MPPED1: variants seen among roughly 807,000 people sequenced by gnomAD.
MPPED1 encodes the protein metallophosphoesterase domain containing 1, also known as metallophosphoesterase domain-containing protein 1.
MPPED1 carries 16 observed loss-of-function variants against 36.2 expected under a neutral mutation model. The ratio of observed to expected loss-of-function variants is 0.44; its 90% CI spans 0.30 to 0.67. The LOEUF is 0.67. Ranked by LOEUF, MPPED1 falls within the 30% of genes least tolerant of loss-of-function variation. The probability of loss-of-function intolerance (pLI) is 0.10; values close to 1 mark genes in which losing one functional copy is unlikely to be tolerated. For missense variants in MPPED1, 307 were observed against 453.4 expected (o/e 0.68, Z 2.93); for synonymous variants, 199 against 191.3 (o/e 1.04, Z -0.33).
At chr22:43,450,829 C>T (rs182373135) in intron 3 of MPPED1, among the ~76,000 whole-genome samples, 33 of 152,164 alleles carry the variant, frequency 2.2e-4, no homozygotes, top group East Asian at 2.1e-3. Context: ...CGGGTTCAGA[C>T]GATTCTCCTG....
chr22:43,412,218 G>C (rs1928926391), intron 1 of MPPED1, 60 bp downstream of exon 1: 1 of 915,560 alleles, frequency 1.1e-6, no homozygotes, highest in Non-Finnish European at 1.3e-6. Context: ...CGCGGGGCGC[G>C]GCCGGGACCC....
intron 4 of MPPED1, among the ~76,000 whole-genome samples, chr22:43,494,585 C>T (rs1158964760): frequency 6.6e-6 from 1 of 151,934 alleles, no homozygotes; most frequent in Non-Finnish European, 1.5e-5. Context: ...CCAGTATGAC[C>T]CCATCTTAGC....
intron 4 of MPPED1, among the ~76,000 whole-genome samples, chr22:43,492,059 G>T (rs926679632): frequency 6.6e-6 from 1 of 151,976 alleles, no homozygotes; most frequent in African/African-American, 2.4e-5. Flanking sequence ...TGGAGGTGGT[G>T]CTGGGGGTGA....
intron 3 of MPPED1, among the ~76,000 whole-genome samples, chr22:43,465,316 C>G (rs1320714853): frequency 1.3e-5 from 2 of 152,212 alleles, no homozygotes; most frequent in Non-Finnish European, 2.9e-5. Flanking sequence ...CTCATCTCAT[C>G]CTAACAGTGT....
At position 43,497,587 on chromosome 22, in the gene MPPED1, G is replaced by A. The variant is rs143595585; in HGVS notation, c.633-648G>A. 4.3e-3 allele frequency among the ~76,000 whole-genome samples: 647 copies of A among 152,128 alleles called. 12 individuals are homozygous for A. The East Asian group carries it at 0.052, about 12-fold the overall frequency. On this transcript the variant is annotated intron_variant, in intron 4 of 6. Transcript: ENST00000443721. The stretch of plus-strand genomic sequence containing the variant: ...CTGAACTGACTAGGGGGAATATCTG[G>A]CATTGATGGGTCCAGGTCTTGGCTG...
At chr22:43,412,220 C>T (rs1331742530) in intron 1 of MPPED1, 62 bp downstream of exon 1, 39 of 901,904 alleles carry the variant, frequency 4.3e-5, no homozygotes, top group Non-Finnish European at 5.2e-5. Context: ...CGGGGCGCGG[C>T]CGGGACCCTC....
chr22:43,417,951 G>GGCT (rs1929133059), intron 1 of MPPED1: 1 of 433,214 alleles, frequency 2.3e-6, no homozygotes, highest in Non-Finnish European at 4.7e-6. Flanking sequence ...CAGCGGGGAT[G>GGCT]GCTGTTGGGG....
intron 4 of MPPED1, among the ~76,000 whole-genome samples, chr22:43,483,835 C>A (rs528738040): frequency 6.6e-6 from 1 of 152,212 alleles, no homozygotes; most frequent in Non-Finnish European, 1.5e-5. Flanking sequence ...GGCCACTTTA[C>A]GTGAGTTTCT....
At chr22:43,475,628 G>C (rs1022356403) in intron 4 of MPPED1, among the ~76,000 whole-genome samples, 2 of 111,386 alleles carry the variant, frequency 1.8e-5, no homozygotes, top group African/African-American at 7.6e-5. Flanking sequence ...GGTGATGATG[G>C]TGGTGATGAT....
At chr22:43,488,753 A>C (rs1213766622) in intron 4 of MPPED1, among the ~76,000 whole-genome samples, 1 of 152,260 alleles carries the variant, frequency 6.6e-6, no homozygotes, top group African/African-American at 2.4e-5. Context: ...AAATTATTCC[A>C]ATGGTTACTT....
chr22:43,439,218 G>T (rs1463705732), intron 3 of MPPED1, among the ~76,000 whole-genome samples: 10 of 152,206 alleles, frequency 6.6e-5, no homozygotes, highest in Non-Finnish European at 1.5e-5. Flanking sequence ...TCATGGGAGG[G>T]GGACGGGTTG....
chr22:43,442,247 G>A lies in MPPED1; in HGVS notation c.406+7032G>A, dbSNP rs183700977. ...CATGGCTGTCTGTCCCCTGCAGCTT[G>A]TGCAAGTCCCTGCTTTTGTTTCTTT... On this transcript the variant is annotated intron_variant, in intron 3 of 6. Coordinates refer to ENST00000443721, the MANE Select transcript of MPPED1 (RefSeq NM_001044370.2). Among the ~76,000 whole-genome samples the A allele has an allele frequency of 3.1e-3, 466 of 152,134 alleles. 6 individuals carry two copies. Among genetic ancestry groups the A allele is most frequent in the Admixed American group, 0.027 (418 of 15,280 alleles).
Position 43,502,792 on chromosome 22 carries a change from T to C in MPPED1, c.862+35T>C, listed in dbSNP as rs1569093151. ...TAGCGGAGACAGGCACCTCACGGGC[T>C]AGGGGCTCCTAATGGACCCTCCAGC... is the stretch of plus-strand genomic sequence containing the variant. On this transcript the variant is annotated intron_variant, in intron 6 of 6. Coordinates refer to ENST00000443721, the MANE Select transcript of MPPED1 (RefSeq NM_001044370.2). This position sits in a 1 kb window ranked among gnomAD's most constrained non-coding sequence, Gnocchi z 5.5. 1 of 1,575,094 alleles carries C rather than the reference T, an allele frequency of 6.3e-7. No homozygotes were observed.
intron 2 of MPPED1, among the ~76,000 whole-genome samples, chr22:43,427,741 C>T (rs890125019): frequency 2.0e-5 from 3 of 152,072 alleles, no homozygotes; most frequent in African/African-American, 7.2e-5. Context: ...GCCTCAGTTT[C>T]GCCAACCTGG....
chr22:43,435,073 C>T lies in MPPED1; in HGVS notation c.264C>T (p.Gly88=). ...CTCACGATGCCCCCAAACCTCCAGGCTACACCCGCTTCGTCTGCGTCTCTG... is the reference window on the plus strand; with the variant it reads ...CTCACGATGCCCCCAAACCTCCAGGTTACACCCGCTTCGTCTGCGTCTCTG... ...PVPHDAPKPP[G]YTRFVCVSDT... Residue 88 remains glycine, a synonymous_variant, in exon 3 of 7, where the codon GGC becomes GGT. Transcript: ENST00000443721. 1 of 1,613,852 alleles carries T rather than the reference C, an allele frequency of 6.2e-7. No individual in the cohort carries two copies. Among genetic ancestry groups the T allele is most frequent in the Non-Finnish European group, 8.5e-7 (1 of 1,179,894 alleles).
At chr22:43,463,811 C>CTTTCTTTCTTTT (rs1263255803) in intron 3 of MPPED1, among the ~76,000 whole-genome samples, 73 of 24,244 alleles carry the variant, frequency 3.0e-3, no homozygotes, top group African/African-American at 7.5e-3. Context: ...TTTTTCTTTT[C>CTTTCTTTCTTTT]TTTCTTTCTT....
At chr22:43,476,871 C>T (rs1300421964) in intron 4 of MPPED1, among the ~76,000 whole-genome samples, 1 of 152,076 alleles carries the variant, frequency 6.6e-6, no homozygotes, top group East Asian at 1.9e-4. Flanking sequence ...GAGCTCAGAT[C>T]TGGAGAAGTC....
At chr22:43,440,028 G>A (rs1930095024) in intron 3 of MPPED1, among the ~76,000 whole-genome samples, 1 of 152,244 alleles carries the variant, frequency 6.6e-6, no homozygotes, top group Non-Finnish European at 1.5e-5. Flanking sequence ...TCCACTGTCA[G>A]CCCCTGAAGG....
intron 5 of MPPED1, among the ~76,000 whole-genome samples, chr22:43,500,633 G>A (rs1253826237): frequency 6.6e-6 from 1 of 151,974 alleles, no homozygotes; most frequent in East Asian, 1.9e-4. Context: ...TCAGTGTCTT[G>A]CTCCCACCGC....
Sources: allele counts gnomAD v4.1 joint callset (sites outside exome capture counted in the v4.1 genomes callset), GRCh38; gene constraint gnomAD v4.1.1; non-coding constraint Gnocchi (gnomAD v3.1); transcripts MANE v1.5; gene names NCBI Gene and HGNC (gene_info 2026-07-23, HGNC 2026-07-21).